RIMKLB: variants seen among roughly 807,000 people sequenced by gnomAD.
The protein encoded by RIMKLB is ribosomal modification protein rimK like family member B, also known as beta-citrylglutamate synthase B.
RIMKLB carries 7 observed loss-of-function variants against 32.0 expected under a neutral mutation model. The ratio of observed to expected loss-of-function variants is 0.22; its 90% CI spans 0.12 to 0.41. The LOEUF (loss-of-function observed/expected upper bound fraction) is 0.41, where lower values mean the gene tolerates loss of function less well. Ranked by LOEUF, RIMKLB falls within the 10% of genes least tolerant of loss-of-function variation. RIMKLB has a pLI of 1.00. For synonymous variants in RIMKLB, 172 were observed against 185.1 expected (o/e 0.93, Z 0.57); for missense variants, 289 against 498.7 (o/e 0.58, Z 4.00).
intron 5 of RIMKLB, among the ~76,000 whole-genome samples, chr12:8,767,096 G>T (rs1427535900): frequency 1.3e-5 from 2 of 152,266 alleles, no homozygotes; most frequent in Non-Finnish European, 2.9e-5. Context: ...TGACAACAAG[G>T]TAGTATTGGA....
chr12:8,698,447 GC>G (rs1365710881), intron 1 of RIMKLB, 150 bp downstream of exon 1: 1 of 154,424 alleles, frequency 6.5e-6, no homozygotes, highest in African/African-American at 2.4e-5. Flanking sequence ...GGGGTCCGGG[GC>G]TAGTTGAGGC....
chr12:8,730,247 G>A lies in RIMKLB; in HGVS notation c.175+16206G>A, dbSNP rs142029715. On this transcript the variant is annotated intron_variant, in intron 2 of 5. Transcript: ENST00000535829. Reference sequence around the variant, plus strand: ...ACTGCAGGCATGCATCACCACATCCGGCTAATTATTTTATTTTATTTTTCA... The same window carrying A: ...ACTGCAGGCATGCATCACCACATCCAGCTAATTATTTTATTTTATTTTTCA... Among the ~76,000 whole-genome samples, 630 of 152,212 alleles carry A rather than the reference G, an allele frequency of 4.1e-3. 9 individuals carry two copies. The highest frequency in any genetic ancestry group is 0.014 in the African/African-American group (591 of 41,524).
chr12:8,760,497 T>C (rs896873943), intron 5 of RIMKLB, among the ~76,000 whole-genome samples: 3 of 152,230 alleles, frequency 2.0e-5, no homozygotes, highest in Non-Finnish European at 2.9e-5. Flanking sequence ...TTTCTAGTTA[T>C]AGGTCCCTGA....
intron 1 of RIMKLB, among the ~76,000 whole-genome samples, chr12:8,705,855 A>G (rs751220104): frequency 4.6e-5 from 7 of 152,260 alleles, no homozygotes; most frequent in South Asian, 2.1e-4. Flanking sequence ...GAGTCTGTCT[A>G]TAAGTCCTGA....
At chr12:8,710,307 C>CT (rs762963381) in intron 1 of RIMKLB, among the ~76,000 whole-genome samples, 3,233 of 125,558 alleles carry the variant, frequency 0.026, 111 homozygotes, top group African/African-American at 0.075. Context: ...TTGTTTCCTT[C>CT]TTTTTTTTTT....
Position 8,773,306 on chromosome 12 carries a change from TGTTTC to T in RIMKLB, c.698-14_698-10del. ...TTATGATTTTGTTAATTTCCTGTCTTGTTTCTTTTGCCAGGTGGTGTGGGGATGAT... is the reference window on the plus strand; with the variant it reads ...TTATGATTTTGTTAATTTCCTGTCTTTTTTGCCAGGTGGTGTGGGGATGAT... On this transcript the variant is annotated splice_polypyrimidine_tract_variant and intron_variant, in intron 5 of 5. Transcript: ENST00000535829. The T allele has an allele frequency of 6.4e-7, 1 of 1,560,884 alleles. No homozygotes were observed. Among genetic ancestry groups the T allele is most frequent in the Non-Finnish European group, 8.8e-7 (1 of 1,134,494 alleles).
the RIMKLB span, among the ~76,000 whole-genome samples, chr12:8,672,274 T>C: frequency 6.6e-6 from 1 of 152,210 alleles, no homozygotes; most frequent in Non-Finnish European, 1.5e-5. Flanking sequence ...CTTCAAACTG[T>C]TCTAATCTCT....
chr12:8,739,084 T>A (rs906094671), intron 2 of RIMKLB, among the ~76,000 whole-genome samples: 1 of 152,238 alleles, frequency 6.6e-6, no homozygotes, highest in African/African-American at 2.4e-5. Flanking sequence ...AAGACTTTTT[T>A]AAATTGATGA....
Position 8,775,291 on chromosome 12 carries a change from C to A in RIMKLB, c.*1507C>A. 1.0e-6 allele frequency: 1 copy of A among 985,354 alleles called. No homozygotes were observed. Among genetic ancestry groups the A allele is most frequent in the Non-Finnish European group, 1.2e-6 (1 of 829,824 alleles). The allele number at this position is 985,354 out of a possible 1,614,324, so 61.0% of individuals were successfully genotyped here. ...AGTCTCTTATAGCCCTACTCTTAAG[C>A]CTTCAATACTGTCCACTCTTTATAT... On this transcript the variant is annotated 3_prime_UTR_variant, in exon 6 of 6. Coordinates refer to ENST00000535829, the MANE Select transcript of RIMKLB (RefSeq NM_001297776.2).
At chr12:8,760,499 G>T (rs1949428119) in intron 5 of RIMKLB, among the ~76,000 whole-genome samples, 1 of 152,302 alleles carries the variant, frequency 6.6e-6, no homozygotes, top group South Asian at 2.1e-4. Flanking sequence ...TCTAGTTATA[G>T]GTCCCTGAGG....
intron 1 of RIMKLB, among the ~76,000 whole-genome samples, chr12:8,707,241 C>G (rs1284393172): frequency 6.6e-6 from 1 of 152,192 alleles, no homozygotes; most frequent in Non-Finnish European, 1.5e-5. Context: ...TACCATGCCC[C>G]CCACCAGTAC....
At chr12:8,681,605 C>G (rs1247975029) in exon 1 of RIMKLB, 2 of 152,232 alleles carry the variant, frequency 1.3e-5, no homozygotes, top group Admixed American at 1.3e-4. Context: ...CACCCACTGA[C>G]CTTCGGGAAG....
chr12:8,757,148 T>TG (rs1949109229), intron 5 of RIMKLB, among the ~76,000 whole-genome samples: 1 of 151,916 alleles, frequency 6.6e-6, no homozygotes, highest in Non-Finnish European at 1.5e-5. Flanking sequence ...ATTTAATTAA[T>TG]AGTTACTCTT....
At chr12:8,742,681 C>G (rs1947671488) in intron 2 of RIMKLB, 1 of 224,288 alleles carries the variant, frequency 4.5e-6, no homozygotes, top group African/African-American at 2.3e-5. Flanking sequence ...GGAATGCTGG[C>G]TGGCAGCCTG....
At chr12:8,683,893 G>A (rs1009256693) in intron 1 of RIMKLB, among the ~76,000 whole-genome samples, 9 of 151,888 alleles carry the variant, frequency 5.9e-5, no homozygotes, top group African/African-American at 9.7e-5. Flanking sequence ...ACTTAAAGGC[G>A]CCTGCCACCA....
chr12:8,757,749 T>G (rs1949174357), intron 5 of RIMKLB, among the ~76,000 whole-genome samples: 2 of 152,292 alleles, frequency 1.3e-5, no homozygotes, highest in Admixed American at 6.5e-5. Context: ...TATTTCTGGG[T>G]TAGCCCATTC....
Position 8,774,588 on chromosome 12 carries a change from T to TA in RIMKLB, c.*806dup, listed in dbSNP as rs955630218. The TA allele has an allele frequency of 1.7e-5, 16 of 963,758 alleles. No homozygotes were observed. The highest frequency in any genetic ancestry group is 5.3e-4 in the Middle Eastern group (1 of 1,892). 59.7% of individuals were successfully genotyped at this position (963,758 alleles called of 1,614,324 possible). A position where few individuals can be genotyped will look rare whatever the true frequency, so the allele number is the denominator to read the frequency against. On this transcript the variant is annotated 3_prime_UTR_variant, in exon 6 of 6. Coordinates refer to ENST00000535829, the MANE Select transcript of RIMKLB (RefSeq NM_001297776.2). The stretch of plus-strand genomic sequence containing the variant: ...TTAATGTTGCTTTTTTTTTTTTTTT[T>TA]AATACATGCTAGTCTAACATTTCCT...
intron 1 of RIMKLB, among the ~76,000 whole-genome samples, chr12:8,704,938 C>T (rs1943718512): frequency 6.7e-6 from 1 of 150,284 alleles, no homozygotes; most frequent in Non-Finnish European, 1.5e-5. Flanking sequence ...TGCGTCACTG[C>T]AGGCTTGGTG....
intron 2 of RIMKLB, among the ~76,000 whole-genome samples, chr12:8,749,260 G>A (rs1948424041): frequency 6.6e-6 from 1 of 150,960 alleles, no homozygotes; most frequent in Non-Finnish European, 1.5e-5. Flanking sequence ...CACCAGGCTG[G>A]AGTGCAGTGG....
Sources: allele counts gnomAD v4.1 joint callset (sites outside exome capture counted in the v4.1 genomes callset), GRCh38; gene constraint gnomAD v4.1.1; transcripts MANE v1.5; gene names NCBI Gene and HGNC (gene_info 2026-07-23, HGNC 2026-07-21).